The following TSHR variants were observed in gnomAD, a reference collection of about 807,000 sequenced individuals.
TSHR encodes the protein thyrotropin receptor.
TSHR carries 51 observed loss-of-function variants against 64.1 expected under a neutral mutation model. The ratio of observed to expected loss-of-function variants is 0.80; its 90% CI spans 0.64 to 1.01. The LOEUF (loss-of-function observed/expected upper bound fraction) is 1.01, where lower values mean the gene tolerates loss of function less well. Ranked by LOEUF, TSHR falls within the 50% of genes least tolerant of loss-of-function variation. TSHR has a pLI of 0.00. For synonymous variants in TSHR, 361 were observed against 361.9 expected (o/e 1.00, Z 0.03); for missense variants, 877 against 942.8 (o/e 0.93, Z 0.91).
chr14:81,026,470 A>G (rs1158191338), intron 1 of TSHR, among the ~76,000 whole-genome samples: 2 of 152,218 alleles, frequency 1.3e-5, no homozygotes, highest in Non-Finnish European at 2.9e-5. Flanking sequence ...CCCTATTTAC[A>G]TAAAGAAGCA....
chr14:80,999,695 G>T (rs900283666), intron 1 of TSHR, among the ~76,000 whole-genome samples: 2 of 152,068 alleles, frequency 1.3e-5, no homozygotes, highest in Non-Finnish European at 2.9e-5. Flanking sequence ...GCCCAATGAA[G>T]TCATATTGAC....
At chr14:81,002,707 A>G (rs1368590480) in intron 1 of TSHR, among the ~76,000 whole-genome samples, 1 of 148,674 alleles carries the variant, frequency 6.7e-6, no homozygotes, top group Admixed American at 6.7e-5. Context: ...CTACTCTTCA[A>G]CTGGCTGAAA....
chr14:81,102,755 G>A, intron 7 of TSHR: 1 of 982,646 alleles, frequency 1.0e-6, no homozygotes, highest in Non-Finnish European at 1.2e-6. Context: ...ATAGTTTGTA[G>A]ACCTCTGGAT....
chr14:81,090,062 T>A lies in TSHR; in HGVS notation c.393-1007T>A, dbSNP rs192231028. On this transcript the variant is annotated intron_variant, in intron 4 of 9. Coordinates refer to ENST00000298171, the MANE Select transcript of TSHR (RefSeq NM_000369.5). ...TGCCAAATTCTCAAAAAAAAAAAAA[T>A]TCTAATTACATTCAAGTAGCTGCAA... is the stretch of plus-strand genomic sequence containing the variant. Among the ~76,000 whole-genome samples the A allele has an allele frequency of 3.8e-3, 581 of 151,872 alleles. 4 individuals are homozygous for A. Among genetic ancestry groups the A allele is most frequent in the African/African-American group, 0.013 (518 of 41,380 alleles).
At chr14:81,127,717 C>T (rs1891074750) in intron 8 of TSHR, among the ~76,000 whole-genome samples, 1 of 152,132 alleles carries the variant, frequency 6.6e-6, no homozygotes, top group African/African-American at 2.4e-5. Context: ...TCACTTGGCT[C>T]TCATTCCCTC....
chr14:81,121,865 C>G (rs1421736678), intron 8 of TSHR, among the ~76,000 whole-genome samples: 1 of 150,866 alleles, frequency 6.6e-6, no homozygotes, highest in African/African-American at 2.4e-5. Context: ...TCGTTTGAAC[C>G]CAGGAGGCGG....
chr14:80,964,928 C>G (rs180921445), intron 1 of TSHR, among the ~76,000 whole-genome samples: 2 of 152,316 alleles, frequency 1.3e-5, no homozygotes, highest in East Asian at 3.9e-4. Context: ...ACAGTTACTA[C>G]TGTTACTACT....
chr14:81,122,843 G>C (rs1890861640), intron 8 of TSHR, among the ~76,000 whole-genome samples: 1 of 152,144 alleles, frequency 6.6e-6, no homozygotes, highest in African/African-American at 2.4e-5. Context: ...ATAAAAATTA[G>C]GCTGGGCGTG....
chr14:81,045,068 TA>T (rs1477724465), intron 1 of TSHR, among the ~76,000 whole-genome samples: 1 of 152,118 alleles, frequency 6.6e-6, no homozygotes, highest in Non-Finnish European at 1.5e-5. Flanking sequence ...TATGCGGCCA[TA>T]AAAAGGAATG....
At chr14:80,983,083 T>A in intron 1 of TSHR, 1 of 627,240 alleles carries the variant, frequency 1.6e-6, no homozygotes, top group East Asian at 2.6e-5. Context: ...AATGGTATAA[T>A]GATGCTTATT....
intron 1 of TSHR, among the ~76,000 whole-genome samples, chr14:81,019,638 T>C (rs1646784131): frequency 1.3e-5 from 2 of 148,198 alleles, no homozygotes; most frequent in African/African-American, 5.0e-5. Flanking sequence ...GGCCCCGGTG[T>C]GTGATGTTCC....
intron 8 of TSHR, among the ~76,000 whole-genome samples, chr14:81,128,110 C>T (rs776120878): frequency 3.3e-5 from 5 of 152,082 alleles, no homozygotes; most frequent in Non-Finnish European, 5.9e-5. Context: ...AGTTATAAAG[C>T]AATTTTATTT....
intron 3 of TSHR, among the ~76,000 whole-genome samples, chr14:81,070,496 G>T (rs544928815): frequency 6.6e-6 from 1 of 151,686 alleles, no homozygotes; most frequent in Non-Finnish European, 1.5e-5. Flanking sequence ...GCATGGTGGT[G>T]TGTCCCTGTA....
chr14:80,964,489 T>A (rs1022636887), intron 1 of TSHR, among the ~76,000 whole-genome samples: 22 of 152,246 alleles, frequency 1.4e-4, no homozygotes, highest in Admixed American at 4.6e-4. Context: ...TTAAGTTGAA[T>A]TGATCTATTT....
intron 4 of TSHR, among the ~76,000 whole-genome samples, chr14:81,090,027 C>T (rs1040967756): frequency 6.6e-6 from 1 of 151,540 alleles, no homozygotes; most frequent in African/African-American, 2.4e-5. Flanking sequence ...CTAGATCTCA[C>T]TCTATGCTAT....
chr14:81,143,827 A>G lies in TSHR; in HGVS notation c.1769A>G (p.Asn590Ser). The change falls in exon 10 of 10, where the codon AAC becomes AGC. Residue 590 changes from asparagine to serine, a missense_variant. Transcript: ENST00000298171. ...LAYIVFVLTLNIVAFVIVCCC... is the reference protein window; with the variant it reads ...LAYIVFVLTLSIVAFVIVCCC... Reference sequence around the variant, plus strand: ...TATATTGTTTTTGTTCTGACGCTCAACATAGTTGCCTTCGTCATCGTCTGC... The same window carrying G: ...TATATTGTTTTTGTTCTGACGCTCAGCATAGTTGCCTTCGTCATCGTCTGC... 6.2e-7 allele frequency: 1 copy of G among 1,614,054 alleles called. No homozygotes were observed. The highest frequency in any genetic ancestry group is 1.3e-5 in the African/African-American group (1 of 75,014).
At chr14:81,117,129 A>T (rs1461919192) in intron 8 of TSHR, among the ~76,000 whole-genome samples, 1 of 72,336 alleles carries the variant, frequency 1.4e-5, no homozygotes, top group Non-Finnish European at 2.4e-5. Flanking sequence ...AGAACTAGAA[A>T]AGCAAGAGCA....
Position 81,136,144 on chromosome 14 carries a change from A to G in TSHR, c.693-3535A>G, listed in dbSNP as rs75700474. 5.3e-5 allele frequency among the ~76,000 whole-genome samples: 8 copies of G among 152,342 alleles called. No individual in the cohort carries two copies. The East Asian group carries it at 1.3e-3, about 26-fold the overall frequency. On this transcript the variant is annotated intron_variant, in intron 8 of 9. Coordinates refer to ENST00000298171, the MANE Select transcript of TSHR (RefSeq NM_000369.5). ...ATGGTAGGAAGCGTGGATGTTATTC[A>G]TGGTACGTTGAGAAGTCACTGTAGG... is the stretch of plus-strand genomic sequence containing the variant.
intron 1 of TSHR, among the ~76,000 whole-genome samples, chr14:81,025,249 G>T (rs1338758854): frequency 6.6e-6 from 1 of 152,100 alleles, no homozygotes; most frequent in Non-Finnish European, 1.5e-5. Flanking sequence ...TAAAACAGAT[G>T]AGTATATCCC....
Sources: gnomAD v4.1 joint callset for allele counts (sites outside exome capture counted in the v4.1 genomes callset) on GRCh38, gnomAD v4.1.1 for gene constraint, MANE v1.5 for transcripts, NCBI Gene and HGNC (gene_info 2026-07-23, HGNC 2026-07-21) for gene names.